The following WDPCP variants were observed in gnomAD, a reference collection of about 807,000 sequenced individuals.
WDPCP encodes the protein WD repeat containing planar cell polarity effector, also known as WD repeat-containing and planar cell polarity effector protein fritz homolog.
WDPCP carries 71 observed loss-of-function variants against 93.1 expected under a neutral mutation model. The observed-to-expected ratio is 0.76, with a 90% CI of 0.63 to 0.93. The LOEUF is 0.93. Ranked by LOEUF, WDPCP falls within the 40% of genes least tolerant of loss-of-function variation. WDPCP has a pLI of 0.00. For synonymous variants in WDPCP, 315 were observed against 315.0 expected (o/e 1.00, Z 0.00); for missense variants, 844 against 887.4 (o/e 0.95, Z 0.62).
chr2:63,573,888 G>A (rs144226024), intron 1 of WDPCP, among the ~76,000 whole-genome samples: 2,465 of 152,234 alleles, frequency 0.016, 75 homozygotes, highest in African/African-American at 0.056. Context: ...GGGGGCAGCC[G>A]TCTTTTATGG....
chr2:63,780,115 G>C (rs1200032159), intron 2 of WDPCP, among the ~76,000 whole-genome samples: 2 of 152,068 alleles, frequency 1.3e-5, no homozygotes, highest in African/African-American at 4.8e-5. Context: ...CAGCAATCTA[G>C]GGATGTTGTC....
chr2:63,378,154 G>C, intron 12 of WDPCP: 1 of 532,072 alleles, frequency 1.9e-6, no homozygotes, highest in South Asian at 2.2e-5. Flanking sequence ...ATATTAAAGA[G>C]GAAGGTATAT....
intron 3 of WDPCP, among the ~76,000 whole-genome samples, chr2:63,486,832 C>T (rs1158470748): frequency 6.6e-6 from 1 of 151,870 alleles, no homozygotes; most frequent in Non-Finnish European, 1.5e-5. Context: ...GGACCAATAT[C>T]CTGAGCTTCC....
At chr2:63,630,651 T>C (rs1018765064) in intron 3 of WDPCP, among the ~76,000 whole-genome samples, 1 of 152,040 alleles carries the variant, frequency 6.6e-6, no homozygotes, top group Admixed American at 6.6e-5. Flanking sequence ...ATTAATGAGA[T>C]AGACAAATAC....
intron 2 of WDPCP, chr2:63,752,481 G>T: frequency 1.3e-6 from 1 of 775,768 alleles, no homozygotes; most frequent in Non-Finnish European, 2.3e-6. Context: ...CCCCTGGAGC[G>T]CTTGGTGTTG....
chr2:63,388,757 A>G (rs190398386), intron 10 of WDPCP, among the ~76,000 whole-genome samples: 3 of 152,340 alleles, frequency 2.0e-5, no homozygotes, highest in African/African-American at 7.2e-5. Flanking sequence ...TGCATGCACA[A>G]GCTTCAATAG....
chr2:63,356,060 T>C (rs1181736909), intron 12 of WDPCP, among the ~76,000 whole-genome samples: 2 of 151,984 alleles, frequency 1.3e-5, no homozygotes, highest in African/African-American at 2.4e-5. Flanking sequence ...ACTCATAGGC[T>C]CAAAATAAAG....
chr2:63,543,532 C>G (rs1321891832), intron 1 of WDPCP, among the ~76,000 whole-genome samples: 1 of 151,870 alleles, frequency 6.6e-6, no homozygotes, highest in Non-Finnish European at 1.5e-5. Flanking sequence ...TAAAACCTCT[C>G]CAAATTAAGA....
chr2:63,282,102 C>G (rs577586082), intron 13 of WDPCP, among the ~76,000 whole-genome samples: 2 of 152,260 alleles, frequency 1.3e-5, no homozygotes, highest in South Asian at 4.1e-4. Flanking sequence ...TATAGAACCA[C>G]AAACAACTCT....
intron 17 of WDPCP, among the ~76,000 whole-genome samples, chr2:63,128,374 C>A (rs1039708396): frequency 2.0e-5 from 3 of 152,066 alleles, no homozygotes; most frequent in Admixed American, 6.6e-5. Flanking sequence ...CTTTTTCCTT[C>A]CGTTTCTGTC....
intron 13 of WDPCP, among the ~76,000 whole-genome samples, chr2:63,287,696 C>T (rs1431090839): frequency 6.6e-6 from 1 of 152,218 alleles, no homozygotes; most frequent in Non-Finnish European, 1.5e-5. Flanking sequence ...ACACATGCAT[C>T]TTCCATCATT....
At chr2:63,486,946 C>T (rs1700608239) in intron 3 of WDPCP, among the ~76,000 whole-genome samples, 1 of 152,094 alleles carries the variant, frequency 6.6e-6, no homozygotes, top group East Asian at 1.9e-4. Context: ...CTAAGCTAAG[C>T]ACACAGGCTG....
chr2:63,231,890 G>C (rs1479721882), intron 14 of WDPCP, among the ~76,000 whole-genome samples: 1 of 151,980 alleles, frequency 6.6e-6, no homozygotes, highest in Middle Eastern at 3.4e-3. Context: ...CTAAGCCAAA[G>C]GAACAAAGCT....
intron 12 of WDPCP, among the ~76,000 whole-genome samples, chr2:63,340,757 T>C (rs1688776164): frequency 6.6e-6 from 1 of 152,160 alleles, no homozygotes; most frequent in Admixed American, 6.5e-5. Flanking sequence ...TCCTCATATT[T>C]GAGTTCTGGG....
At chr2:63,292,982 G>A (rs1398693941) in intron 13 of WDPCP, among the ~76,000 whole-genome samples, 1 of 152,198 alleles carries the variant, frequency 6.6e-6, no homozygotes, top group African/African-American at 2.4e-5. Flanking sequence ...GTGGTCAGCT[G>A]TCTGGAACGA....
intron 1 of WDPCP, among the ~76,000 whole-genome samples, chr2:63,537,007 A>G (rs1487704017): frequency 1.3e-5 from 2 of 152,052 alleles, no homozygotes; most frequent in East Asian, 3.9e-4. Flanking sequence ...GCCTCAAGTG[A>G]TCCACCCGCC....
chr2:63,770,150 C>T (rs999237956), intron 2 of WDPCP, among the ~76,000 whole-genome samples: 9 of 151,922 alleles, frequency 5.9e-5, no homozygotes, highest in East Asian at 1.9e-4. Flanking sequence ...AGATAACCTA[C>T]GGTTCTAAGG....
chr2:63,712,110 G>A (rs1669272150), intron 2 of WDPCP, among the ~76,000 whole-genome samples: 1 of 152,156 alleles, frequency 6.6e-6, no homozygotes, highest in African/African-American at 2.4e-5. Flanking sequence ...CTCATTAGGG[G>A]CCAAACCAAG....
At chr2:63,374,096 A>T (rs1691641161) in intron 12 of WDPCP, among the ~76,000 whole-genome samples, 1 of 146,554 alleles carries the variant, frequency 6.8e-6, no homozygotes, top group Non-Finnish European at 1.5e-5. Context: ...GCATCTCATG[A>T]CTTCCTTCAT....
Sources: allele counts gnomAD v4.1 joint callset (sites outside exome capture counted in the v4.1 genomes callset), GRCh38; gene constraint gnomAD v4.1.1; transcripts MANE v1.5; gene names NCBI Gene and HGNC (gene_info 2026-07-23, HGNC 2026-07-21).